Variants in SH2D3A observed in about 807,000 individuals in gnomAD.
SH2D3A encodes SH2 domain-containing protein 3A.
SH2D3A carries 46 observed loss-of-function variants against 50.6 expected under a neutral mutation model. The observed-to-expected ratio is 0.91, with a 90% CI of 0.72 to 1.16. The LOEUF (loss-of-function observed/expected upper bound fraction) is 1.16. SH2D3A is among the 50% of genes most tolerant of loss of function. The pLI is 0.00. For synonymous variants in SH2D3A, 377 were observed against 348.4 expected (o/e 1.08, Z -0.91); for missense variants, 783 against 786.2 (o/e 1.00, Z 0.05).
Position 6,754,653 on chromosome 19 carries a change from G to T in SH2D3A, c.1060C>A (p.Pro354Thr). The T allele has an allele frequency of 6.2e-7, 1 of 1,614,212 alleles. No individual in the cohort carries two copies. The highest frequency in any genetic ancestry group is 2.2e-5 in the East Asian group (1 of 44,878). Residue 354 changes from proline (P) to threonine (T), a missense_variant, in exon 6 of 10, where the codon CCC (proline) becomes ACC (threonine). Transcript: ENST00000245908. ...VSSGLELLTL[P>T]HGHHLRLELL... ...TCCAACCTCAAGTGGTGTCCATGGG[G>T]AAGAGTGAGCAGCTCCAGGCCAGAT...
Position 6,761,222 on chromosome 19 carries a change from G to A in SH2D3A, c.70-235C>T. ...CTAGGGTTGTCATGTGATGAGAACT[G>A]GCCAATGGGATGTGGGGTAGAAGGG... On this transcript the variant is annotated intron_variant, in intron 2 of 9. Transcript: ENST00000245908. The A allele has an allele frequency of 5.6e-6, 3 of 533,624 alleles. No homozygotes were observed. The South Asian group carries it at 7.2e-5, about 13-fold the overall frequency. The allele number at this position is 533,624 out of a possible 1,614,324, so 33.1% of individuals were successfully genotyped here.
chr19:6,765,025 G>T (rs1038602405), intron 1 of SH2D3A, among the ~76,000 whole-genome samples: 2 of 151,568 alleles, frequency 1.3e-5, no homozygotes, highest in African/African-American at 4.9e-5. Flanking sequence ...CTACAGGTGT[G>T]TGCCACCATG....
intron 9 of SH2D3A, 66 bp from the exon 10 acceptor site, chr19:6,752,819 C>T (rs1969394585): frequency 5.5e-6 from 8 of 1,445,238 alleles, no homozygotes; most frequent in Admixed American, 2.8e-5. Context: ...CCCAACCTCC[C>T]GGCACCTTCC....
intron 1 of SH2D3A, among the ~76,000 whole-genome samples, chr19:6,767,130 C>T (rs1297241584): frequency 6.6e-6 from 1 of 152,142 alleles, no homozygotes; most frequent in Non-Finnish European, 1.5e-5. Flanking sequence ...GGGGCCCGAT[C>T]TGATTCGCCG....
intron 2 of SH2D3A, among the ~76,000 whole-genome samples, chr19:6,761,361 A>G (rs1970010495): frequency 6.6e-6 from 1 of 152,190 alleles, no homozygotes; most frequent in Non-Finnish European, 1.5e-5. Context: ...CAGAGCTACA[A>G]GATGCACTTG....
In SH2D3A at chr19:6,761,955, AAAAAAAAAAC is replaced by A. The variant is rs869169419; in HGVS notation, c.70-978_70-969del. 1.0e-3 allele frequency among the ~76,000 whole-genome samples: 130 copies of A among 124,062 alleles called. 3 individuals carry two copies. Among genetic ancestry groups the A allele is most frequent in the African/African-American group, 4.3e-3 (113 of 26,332 alleles). The allele number at this position is 124,062 out of a possible 152,430, so 81.4% of individuals were successfully genotyped here. On this transcript the variant is annotated intron_variant, in intron 2 of 9. Coordinates refer to ENST00000245908, the MANE Select transcript of SH2D3A (RefSeq NM_005490.3). ...CAGAGTGAGATCATGTCTCAAAAAC[AAAAAAAAAAC>A]AAAAAAAAAAACAAAAAAAAGGCTT...
rs200536872 is a variant in SH2D3A, at chr19:6,756,214, T to TGTATAA, written c.497-905_497-900dup. Among the ~76,000 whole-genome samples, 627 of 148,666 alleles carry TGTATAA rather than the reference T, an allele frequency of 4.2e-3. 28 individuals carry two copies. In the East Asian group the frequency reaches 0.096, roughly 23 times the overall value. On this transcript the variant is annotated intron_variant, in intron 4 of 9. Transcript: ENST00000245908. The stretch of plus-strand genomic sequence containing the variant: ...GTTAAATAAAATTAACATTATTAAA[T>TGTATAA]GTATAATGTTGCCCTATATACTACA...
In SH2D3A at chr19:6,754,979, A is replaced by G. The variant is rs371451900; in HGVS notation, c.833T>C (p.Ile278Thr). 6.2e-7 allele frequency: 1 copy of G among 1,613,802 alleles called. No homozygotes were observed. Among genetic ancestry groups the G allele is most frequent in the East Asian group, 2.2e-5 (1 of 44,854 alleles). Residue 278 changes from isoleucine (I) to threonine (T), a missense_variant, in exon 5 of 10, where the codon ATC (isoleucine) becomes ACC (threonine). Coordinates refer to ENST00000245908, the MANE Select transcript of SH2D3A (RefSeq NM_005490.3). ...GGGGGCATCATGGGGGCAGAAAGAGATCTCAGCCTGTGGTCTTGTAAAACA... is the reference window on the plus strand; with the variant it reads ...GGGGGCATCATGGGGGCAGAAAGAGGTCTCAGCCTGTGGTCTTGTAAAACA... The part of the protein sequence containing the change: ...NRCFTRPQAE[I>T]SFCPHDAPSC...
chr19:6,755,183 G>A lies in SH2D3A; in HGVS notation c.629C>T (p.Pro210Leu), dbSNP rs1457824183. 19 of 1,595,522 alleles carry A rather than the reference G, an allele frequency of 1.2e-5. No individual in the cohort carries two copies. The highest frequency in any genetic ancestry group is 1.5e-5 in the Non-Finnish European group (18 of 1,168,988). Residue 210 changes from proline to leucine, a missense_variant, in exon 5 of 10, where the codon CCA becomes CTA. Pro to Leu is a moderately conservative substitution (Grantham distance 98). Coordinates refer to ENST00000245908, the MANE Select transcript of SH2D3A (RefSeq NM_005490.3). ...GGAGGGTGTCCGGGGGGGCTTCGTT[G>A]GTGCCTTGGCTTGAAGCTGCCCATC... ...ASDGQLQAKA[P>L]TKPPRTPSFE...
chr19:6,752,899 G>C, intron 9 of SH2D3A, 146 bp from the exon 10 acceptor site: 10 of 1,408,634 alleles, frequency 7.1e-6, no homozygotes, highest in Non-Finnish European at 9.2e-6. Flanking sequence ...TGACTAGGCG[G>C]GGTCAGAGGG....
intron 3 of SH2D3A, among the ~76,000 whole-genome samples, chr19:6,759,910 A>C (rs925487032): frequency 6.6e-6 from 1 of 151,772 alleles, no homozygotes; most frequent in Non-Finnish European, 1.5e-5. Context: ...GGACATCTCC[A>C]CCTCCTCCCC....
intron 4 of SH2D3A, chr19:6,758,150 ATTTTT>A (rs888952572): frequency 6.7e-6 from 1 of 149,664 alleles, no homozygotes; most frequent in Non-Finnish European, 1.5e-5. Flanking sequence ...ATTTTATTTT[ATTTTT>A]TTTTAGTAGA....
chr19:6,764,755 G>C (rs570194560), intron 1 of SH2D3A, among the ~76,000 whole-genome samples: 1 of 151,932 alleles, frequency 6.6e-6, no homozygotes, highest in Non-Finnish European at 1.5e-5. Flanking sequence ...GCCCAGGCTG[G>C]ACTGCAGTGG....
intron 9 of SH2D3A, 114 bp from the exon 10 acceptor site, chr19:6,752,867 G>A (rs1969397941): frequency 7.1e-7 from 1 of 1,416,984 alleles, no homozygotes. Context: ...GGGCCCGGGA[G>A]GGACCTGCCC....
At chr19:6,753,392 G>A (rs1021187568) in intron 9 of SH2D3A, 64 bp downstream of exon 9, 33 of 1,416,382 alleles carry the variant, frequency 2.3e-5, no homozygotes, top group Non-Finnish European at 2.9e-5. Context: ...CTGGGTTTGG[G>A]GGATCCGGTT....
At chr19:6,761,424 C>G (rs1451178589) in intron 2 of SH2D3A, among the ~76,000 whole-genome samples, 5 of 152,216 alleles carry the variant, frequency 3.3e-5, no homozygotes, top group Non-Finnish European at 7.3e-5. Flanking sequence ...CCACCTTGGA[C>G]TATGACATTA....
intron 4 of SH2D3A, chr19:6,758,613 G>C (rs1166622778): frequency 6.6e-6 from 1 of 152,220 alleles, no homozygotes; most frequent in Non-Finnish European, 1.5e-5. Flanking sequence ...TTCCCTTCCT[G>C]TGTTTTAATT....
At chr19:6,764,872 A>ATTTTT (rs55670461) in intron 1 of SH2D3A, among the ~76,000 whole-genome samples, 7,061 of 102,898 alleles carry the variant, frequency 0.069, 379 homozygotes, top group African/African-American at 0.092. Context: ...TACCTGGCTA[A>ATTTTT]TTTTTTTTTT....
At position 6,753,628 on chromosome 19, in the gene SH2D3A, G is replaced by T; in HGVS notation, c.1398C>A (p.Pro466=). The T allele has an allele frequency of 6.3e-7, 1 of 1,578,464 alleles. No homozygotes were observed. The highest frequency in any genetic ancestry group is 2.3e-5 in the East Asian group (1 of 44,084). Residue 466 remains proline (P), a synonymous_variant, in exon 9 of 10, where the codon CCC becomes CCA. Coordinates refer to ENST00000245908, the MANE Select transcript of SH2D3A (RefSeq NM_005490.3). The part of the protein sequence containing the change: ...ALDEGAGPCD[P]GEVALPHVAP... ...CCACGTGCGGCAGCGCCACCTCGCC[G>T]GGGTCGCAGGGTCCTGCGGAGGGGG...
Sources: allele counts gnomAD v4.1 joint callset (sites outside exome capture counted in the v4.1 genomes callset), GRCh38; gene constraint gnomAD v4.1.1; transcripts MANE v1.5; gene names NCBI Gene and HGNC (gene_info 2026-07-23, HGNC 2026-07-21).